FANK1: variants seen among roughly 807,000 people sequenced by gnomAD.
FANK1 encodes fibronectin type 3 and ankyrin repeat domains protein 1.
Under a neutral mutation model 45.3 loss-of-function variants are expected in FANK1, and 44 were observed. That is an observed-to-expected ratio of 0.97 (90% CI 0.76 to 1.25). The LOEUF (loss-of-function observed/expected upper bound fraction) is 1.25. Among genes scored for constraint, FANK1 ranks in the 50% most tolerant of loss-of-function variants. FANK1 has a pLI of 0.00. For synonymous variants in FANK1, 149 were observed against 152.5 expected, an observed-to-expected ratio of 0.98 and a Z score of 0.17; for missense variants, 391 against 424.4, an observed-to-expected ratio of 0.92 and a Z score of 0.69.
chr10:125,967,086 A>G (rs1219881900), intron 1 of FANK1, among the ~76,000 whole-genome samples: 1 of 152,236 alleles, frequency 6.6e-6, no homozygotes, highest in Non-Finnish European at 1.5e-5. Flanking sequence ...AAGTGTATCT[A>G]ACAAATTCCA....
rs545966222 is a variant in FANK1, at chr10:125,905,866, A to T, written c.13+9211A>T. 1.8e-4 allele frequency among the ~76,000 whole-genome samples: 28 copies of T among 152,402 alleles called. No individual in the cohort carries two copies. The South Asian group carries it at 5.8e-3, about 32-fold the overall frequency. ...TGAGGCCAGGAGTTCAAGGCTGTTT[A>T]CTGAAACAATCAGGAATGAGCATTC... On this transcript the variant is annotated intron_variant, in intron 1 of 10. Coordinates refer to ENST00000368693, the MANE Select transcript of FANK1 (RefSeq NM_145235.5).
chr10:126,003,355 G>A (rs1952922949), intron 6 of FANK1, among the ~76,000 whole-genome samples: 1 of 152,046 alleles, frequency 6.6e-6, no homozygotes, highest in African/African-American at 2.4e-5. Flanking sequence ...TTGAGGCCAT[G>A]AGTTTGAAAT....
intron 1 of FANK1, among the ~76,000 whole-genome samples, chr10:125,922,856 TG>T (rs1423914502): frequency 6.6e-6 from 1 of 152,322 alleles, no homozygotes; most frequent in East Asian, 1.9e-4. Context: ...TGAATAATGA[TG>T]GCCTATAAAT....
At chr10:125,992,701 C>T (rs1048088272) in intron 3 of FANK1, among the ~76,000 whole-genome samples, 4 of 149,270 alleles carry the variant, frequency 2.7e-5, no homozygotes, top group Admixed American at 6.7e-5. Flanking sequence ...GGTTAGGATG[C>T]GCTAGGAAGT....
chr10:125,921,535 A>T (rs1397935033), intron 1 of FANK1, among the ~76,000 whole-genome samples: 1 of 152,190 alleles, frequency 6.6e-6, no homozygotes, highest in Non-Finnish European at 1.5e-5. Context: ...CAAATGACTA[A>T]GGGTGTAGGA....
chr10:125,994,612 CATTTA>C (rs1272038630), intron 3 of FANK1: 2 of 985,252 alleles, frequency 2.0e-6, no homozygotes, highest in Admixed American at 6.1e-5. Flanking sequence ...GGTGTTATTT[CATTTA>C]AGCTTAATTG....
rs535796905 is a variant in FANK1 at position 125,925,390 on chromosome 10, CTG to C, written c.13+28739_13+28740del. On this transcript the variant is annotated intron_variant, in intron 1 of 10. Coordinates refer to ENST00000368693, the MANE Select transcript of FANK1 (RefSeq NM_145235.5). Reference sequence around the variant, plus strand: ...ATAGTAACTTTGGTTAGACTTTGCACTGTGTATCTTTCACGTGTATGTGTGTA... The same window carrying C: ...ATAGTAACTTTGGTTAGACTTTGCACTGTATCTTTCACGTGTATGTGTGTA... Among the ~76,000 whole-genome samples, 86 of 152,284 alleles carry C rather than the reference CTG, an allele frequency of 5.6e-4. No individual in the cohort carries two copies. In the South Asian group the frequency reaches 0.018, roughly 31 times the overall value.
intron 1 of FANK1, among the ~76,000 whole-genome samples, chr10:125,951,492 A>C (rs1949228133): frequency 6.6e-6 from 1 of 152,184 alleles, no homozygotes; most frequent in Admixed American, 6.5e-5. Context: ...TAGGGACGGA[A>C]GTCAACACAT....
At chr10:125,986,927 T>C (rs1468691942) in intron 2 of FANK1, among the ~76,000 whole-genome samples, 2 of 152,188 alleles carry the variant, frequency 1.3e-5, no homozygotes, top group African/African-American at 4.8e-5. Context: ...ACACACTTTG[T>C]GCCATGCCTC....
chr10:125,962,762 T>C (rs1165704160), intron 1 of FANK1, among the ~76,000 whole-genome samples: 1 of 152,274 alleles, frequency 6.6e-6, no homozygotes, highest in East Asian at 1.9e-4. Context: ...GGTTTATTTC[T>C]CTTGATTTTT....
At chr10:125,914,659 C>T (rs1039532689) in intron 1 of FANK1, among the ~76,000 whole-genome samples, 7 of 152,200 alleles carry the variant, frequency 4.6e-5, no homozygotes, top group Non-Finnish European at 8.8e-5. Context: ...ACCAAGGACA[C>T]TTTTAATATC....
intron 1 of FANK1, among the ~76,000 whole-genome samples, chr10:125,938,916 A>C (rs192574507): frequency 6.6e-6 from 1 of 152,302 alleles, no homozygotes; most frequent in African/African-American, 2.4e-5. Context: ...CATCAAAAAG[A>C]ATAATGTTAA....
intron 1 of FANK1, among the ~76,000 whole-genome samples, chr10:125,928,261 C>CTTTTTTTTTT (rs34889746): frequency 7.3e-6 from 1 of 137,722 alleles, no homozygotes; most frequent in African/African-American, 2.7e-5. Flanking sequence ...TTATTCGTGC[C>CTTTTTTTTTT]TTTTTTTTTT....
intron 1 of FANK1, among the ~76,000 whole-genome samples, chr10:125,951,309 T>G (rs2134166790): frequency 6.6e-6 from 1 of 152,190 alleles, no homozygotes; most frequent in Admixed American, 6.5e-5. Context: ...CTTATAACTA[T>G]TTGCTCATAT....
chr10:125,969,529 A>G (rs561683887), intron 1 of FANK1, among the ~76,000 whole-genome samples: 3 of 152,318 alleles, frequency 2.0e-5, no homozygotes, highest in Non-Finnish European at 2.9e-5. Flanking sequence ...AGTTCTCAAG[A>G]GTGTTTGTAC....
chr10:125,979,238 G>C (rs762474028), intron 1 of FANK1, among the ~76,000 whole-genome samples: 1 of 152,098 alleles, frequency 6.6e-6, no homozygotes, highest in Non-Finnish European at 1.5e-5. Flanking sequence ...GTCCCAGTGC[G>C]AGTATCTGGC....
intron 1 of FANK1, among the ~76,000 whole-genome samples, chr10:125,934,053 G>A (rs1338655831): frequency 6.6e-5 from 10 of 152,046 alleles, no homozygotes; most frequent in Non-Finnish European, 1.5e-5. Flanking sequence ...ATTGGCATCT[G>A]CAAGTTTCAT....
chr10:125,901,539 A>G (rs1945036981), intron 1 of FANK1, among the ~76,000 whole-genome samples: 1 of 152,142 alleles, frequency 6.6e-6, no homozygotes, highest in Admixed American at 6.6e-5. Flanking sequence ...CTCATCACAC[A>G]TCTGATCTTA....
intron 1 of FANK1, among the ~76,000 whole-genome samples, chr10:125,925,814 T>C (rs1474588385): frequency 6.6e-6 from 1 of 152,248 alleles, no homozygotes; most frequent in Non-Finnish European, 1.5e-5. Context: ...ACTGGATTAC[T>C]TAGTCCATTT....
Sources: allele counts gnomAD v4.1 joint callset (sites outside exome capture counted in the v4.1 genomes callset), GRCh38; gene constraint gnomAD v4.1.1; transcripts MANE v1.5; gene names NCBI Gene and HGNC (gene_info 2026-07-23, HGNC 2026-07-21).